Variants in IQSEC3 observed in about 807,000 individuals in gnomAD.
The protein encoded by IQSEC3 is IQ motif and Sec7 domain ArfGEF 3.
A neutral mutation model predicts 105.4 loss-of-function variants in IQSEC3; 50 were observed. That is an observed-to-expected ratio of 0.47 (90% CI 0.38 to 0.60). IQSEC3 has a LOEUF of 0.60. Ranked by LOEUF, IQSEC3 falls within the 20% of genes least tolerant of loss-of-function variation. The pLI is 0.00. For missense variants in IQSEC3, 1,415 were observed against 1,630.0 expected (o/e 0.87, Z 2.27); for synonymous variants, 708 against 746.0 (o/e 0.95, Z 0.83).
chr12:74,492 T>A (rs540400683), intron 1 of IQSEC3, among the ~76,000 whole-genome samples: 5 of 152,398 alleles, frequency 3.3e-5, no homozygotes, highest in African/African-American at 1.2e-4. Context: ...GAGGGCAGAC[T>A]GTTTTGCTGT....
intron 1 of IQSEC3, among the ~76,000 whole-genome samples, chr12:73,199 T>G (rs1375460098): frequency 6.6e-6 from 1 of 152,036 alleles, no homozygotes; most frequent in Non-Finnish European, 1.5e-5. Context: ...TCCAGATGGT[T>G]GAGAACATGG....
At chr12:164,963 G>T (rs1867097600) in intron 9 of IQSEC3, among the ~76,000 whole-genome samples, 1 of 152,084 alleles carries the variant, frequency 6.6e-6, no homozygotes, top group East Asian at 1.9e-4. Flanking sequence ...GCTTTGGTTT[G>T]TTTTTTAGAG....
intron 7 of IQSEC3, among the ~76,000 whole-genome samples, chr12:160,254 T>C (rs1345148382): frequency 6.6e-6 from 1 of 152,142 alleles, no homozygotes. Flanking sequence ...TGGTTGTTCA[T>C]TCATATTTAA....
intron 5 of IQSEC3, among the ~76,000 whole-genome samples, chr12:146,741 T>C (rs180759166): frequency 6.6e-6 from 1 of 150,550 alleles, no homozygotes; most frequent in East Asian, 2.0e-4. Context: ...AAGAGAGAGA[T>C]AGATAGAGAG....
intron 1 of IQSEC3, among the ~76,000 whole-genome samples, chr12:91,254 T>G (rs1272379243): frequency 6.6e-6 from 1 of 152,194 alleles, no homozygotes. Flanking sequence ...CATCAGTTCT[T>G]CTAAACCACT....
chr12:81,123 T>C (rs979960923), intron 1 of IQSEC3, among the ~76,000 whole-genome samples: 3 of 152,156 alleles, frequency 2.0e-5, no homozygotes, highest in Non-Finnish European at 4.4e-5. Context: ...CAAATGCTGA[T>C]GGGGCTTGGA....
chr12:157,139 G>T lies in IQSEC3; in HGVS notation c.2268G>T (p.Glu756Asp). The T allele has an allele frequency of 6.3e-7, 1 of 1,585,442 alleles. No homozygotes were observed. The highest frequency in any genetic ancestry group is 2.3e-5 in the East Asian group (1 of 43,710). The change falls in exon 6 of 14, where the codon GAG (glutamate) becomes GAT (aspartate). Residue 756 changes from glutamate to aspartate, a missense_variant. Physicochemically the swap from Glu to Asp is conservative, Grantham distance 45. Around this residue, in one of 6 missense-constraint regions of IQSEC3, gnomAD observed 213 missense variants for 306.2 expected, o/e 0.70. Coordinates refer to ENST00000538872, the MANE Select transcript of IQSEC3 (RefSeq NM_001170738.2). ...CTCAGAAGGTGGAGCGGCTCATTGAGGCCTTCAGGTAAGGCCGCTTCCCAG... is the reference window on the plus strand; with the variant it reads ...CTCAGAAGGTGGAGCGGCTCATTGATGCCTTCAGGTAAGGCCGCTTCCCAG... The part of the protein sequence containing the change: ...GEAQKVERLI[E>D]AFSQRYCMCN...
At chr12:158,175 T>G (rs1430191441) in intron 7 of IQSEC3, among the ~76,000 whole-genome samples, 3 of 141,656 alleles carry the variant, frequency 2.1e-5, no homozygotes, top group African/African-American at 5.1e-5. Flanking sequence ...TGCGCAATTG[T>G]TTTTTTTTTT....
At position 125,945 on chromosome 12, in the gene IQSEC3, T is replaced by C. The variant is rs539282918; in HGVS notation, c.903+33T>C. 864 of 1,519,542 alleles carry C rather than the reference T, an allele frequency of 5.7e-4. 3 individuals carry two copies. In the African/African-American group the frequency reaches 9.8e-3, roughly 17 times the overall value. The allele number at this position is 1,519,542 out of a possible 1,614,324, so 94.1% of individuals were successfully genotyped here. A position where few individuals can be genotyped will look rare whatever the true frequency, so the allele number is the denominator to read the frequency against. On this transcript the variant is annotated intron_variant, in intron 3 of 13. Transcript: ENST00000538872. Reference sequence around the variant, plus strand: ...GGGCCTCCTAGGGGGGCGGGGAGGGTGGTGAAGGGGCCCTGCTTTGGGGGC... The same window carrying C: ...GGGCCTCCTAGGGGGGCGGGGAGGGCGGTGAAGGGGCCCTGCTTTGGGGGC...
chr12:138,947 G>A lies in IQSEC3; in HGVS notation c.1584G>A (p.Glu528=), dbSNP rs1166719415. Reference sequence around the variant, plus strand: ...CAGAGCCCGCGGCGGGCAAGGCCGAGCAGGGCGAGACCTCTGGGCGGGAGG... The same window carrying A: ...CAGAGCCCGCGGCGGGCAAGGCCGAACAGGGCGAGACCTCTGGGCGGGAGG... ...APAEPAAGKA[E]QGETSGREAP... is the part of the protein sequence containing the mutation. Residue 528 remains glutamate (E), a synonymous_variant, in exon 4 of 14, where the codon GAG becomes GAA. Transcript: ENST00000538872. The surrounding 1 kb of genome is among the most constrained non-coding windows in gnomAD (Gnocchi z 7.1). The A allele has an allele frequency of 6.3e-7, 1 of 1,578,190 alleles. No individual in the cohort carries two copies. Among genetic ancestry groups the A allele is most frequent in the Non-Finnish European group, 8.6e-7 (1 of 1,163,470 alleles).
chr12:140,851 G>GT (rs1865989175), intron 4 of IQSEC3: 1 of 418,506 alleles, frequency 2.4e-6, no homozygotes, highest in African/African-American at 2.0e-5. Flanking sequence ...CAGGACTGGG[G>GT]TAAGACCCAG....
Position 138,192 on chromosome 12 carries a change from A to G in IQSEC3, c.904-75A>G. ...GGCCCCACCCGAGTGTGGCCGGGTG[A>G]CTCCACCACTCCTCAGAAGGGCTGA... On this transcript the variant is annotated intron_variant, in intron 3 of 13. Transcript: ENST00000538872. The surrounding 1 kb of genome is among the most constrained non-coding windows in gnomAD (Gnocchi z 7.1). 1 of 1,332,364 alleles carries G rather than the reference A, an allele frequency of 7.5e-7. No individual in the cohort carries two copies. The highest frequency in any genetic ancestry group is 1.0e-6 in the Non-Finnish European group (1 of 961,918). The allele number at this position is 1,332,364 out of a possible 1,614,324, so 82.5% of individuals were successfully genotyped here. A position where few individuals can be genotyped will look rare whatever the true frequency, so the allele number is the denominator to read the frequency against.
At chr12:122,654 G>A (rs55875747) in intron 2 of IQSEC3, among the ~76,000 whole-genome samples, 39,617 of 152,046 alleles carry the variant, frequency 0.26, 5,843 homozygotes, top group Non-Finnish European at 0.33. Flanking sequence ...ATCCCACTGG[G>A]GACTTAGGGA....
In IQSEC3 at chr12:163,541, C is replaced by G; in HGVS notation, c.2631C>G (p.Phe877Leu). ...GCCTGGTGTGCTGCAGCCGGCTCTT[C>G]GAGGTGACGGATGTGAACAAGCTGC... is the stretch of plus-strand genomic sequence containing the variant. ...HRRLVCCSRL[F>L]EVTDVNKLQK... The change falls in exon 9 of 14, where the codon TTC (phenylalanine) becomes TTG (leucine). Residue 877 changes from phenylalanine (F) to leucine (L), a missense_variant. Coordinates refer to ENST00000538872, the MANE Select transcript of IQSEC3 (RefSeq NM_001170738.2). 1.2e-6 allele frequency: 2 copies of G among 1,611,880 alleles called. No individual in the cohort carries two copies. Among genetic ancestry groups the G allele is most frequent in the Non-Finnish European group, 1.7e-6 (2 of 1,179,352 alleles).
At chr12:139,515 C>A in intron 4 of IQSEC3, 161 bp downstream of exon 4, 1 of 513,646 alleles carries the variant, frequency 1.9e-6, no homozygotes, top group Non-Finnish European at 3.4e-6. Context: ...TCCCTGAGGT[C>A]ATGTTTAGGA....
At chr12:91,200 G>C (rs565942220) in intron 1 of IQSEC3, among the ~76,000 whole-genome samples, 2 of 152,084 alleles carry the variant, frequency 1.3e-5, no homozygotes, top group East Asian at 1.9e-4. Flanking sequence ...CCTCCCTCCC[G>C]CTCAAGCCCT....
intron 1 of IQSEC3, among the ~76,000 whole-genome samples, chr12:90,694 C>T (rs1175711075): frequency 4.6e-5 from 7 of 152,240 alleles, no homozygotes; most frequent in Admixed American, 4.6e-4. Flanking sequence ...ATTCTTATGC[C>T]ACCACTGCAC....
intron 2 of IQSEC3, among the ~76,000 whole-genome samples, chr12:106,324 C>T (rs1297286551): frequency 1.3e-5 from 2 of 152,158 alleles, no homozygotes; most frequent in Non-Finnish European, 2.9e-5. Context: ...GTATGGGAAG[C>T]GAAAGTGAGG....
chr12:72,413 T>A (rs1415176758), intron 1 of IQSEC3, among the ~76,000 whole-genome samples: 1 of 146,526 alleles, frequency 6.8e-6, no homozygotes, highest in African/African-American at 2.5e-5. Context: ...ACACCCCATG[T>A]AAAGATTTTT....
Sources: gnomAD v4.1 joint callset for allele counts (sites outside exome capture counted in the v4.1 genomes callset) on GRCh38, gnomAD v4.1.1 for gene constraint, gnomAD v4.1.1 regional missense constraint, Gnocchi (gnomAD v3.1) non-coding constraint, MANE v1.5 for transcripts, NCBI Gene and HGNC (gene_info 2026-07-23, HGNC 2026-07-21) for gene names.